AP5Z1: variants seen among roughly 807,000 people sequenced by gnomAD.
The protein encoded by AP5Z1 is adaptor related protein complex 5 subunit zeta 1.
In AP5Z1, 106 loss-of-function variants were observed where a neutral mutation model predicts 83.0. That is an observed-to-expected ratio of 1.28 (90% confidence interval 1.09 to 1.50). The LOEUF is 1.50. Among genes scored for constraint, AP5Z1 ranks in the 40% most tolerant of loss-of-function variants. The pLI is 0.00. For missense variants in AP5Z1, 1,565 were observed against 1,094.2 expected (o/e 1.43, Z -6.07); for synonymous variants, 751 against 514.1 (o/e 1.46, Z -6.23).
intron 12 of AP5Z1, 99 bp from the exon 13 acceptor site, chr7:4,788,741 G>C (rs748436452): frequency 9.5e-7 from 1 of 1,056,898 alleles, no homozygotes; most frequent in Non-Finnish European, 1.3e-6. Flanking sequence ...GGATGGGAGC[G>C]GGCTCAGCTG....
chr7:4,779,247 A>G (rs1363822301), intron 1 of AP5Z1, among the ~76,000 whole-genome samples: 1 of 146,984 alleles, frequency 6.8e-6, no homozygotes, highest in East Asian at 1.9e-4. Flanking sequence ...CATATATAAC[A>G]TTAGAAATAA....
At chr7:4,783,526 AT>A in intron 4 of AP5Z1, 66 bp downstream of exon 4, 1 of 1,195,898 alleles carries the variant, frequency 8.4e-7, no homozygotes, top group Non-Finnish European at 1.2e-6. Flanking sequence ...CTGAGGGCCC[AT>A]GGTGGGTTGG....
At chr7:4,777,070 C>A (rs369456807) in intron 1 of AP5Z1, among the ~76,000 whole-genome samples, 1 of 152,178 alleles carries the variant, frequency 6.6e-6, no homozygotes, top group African/African-American at 2.4e-5. Context: ...ATCAAAATAA[C>A]CCTTAAGAGT....
rs748224359 is a variant in AP5Z1, at chr7:4,781,548, A to C, written c.180-20A>C. On this transcript the variant is annotated intron_variant, in intron 2 of 16. Transcript: ENST00000649063. ...CGGTCGTGACGTGTTACCGCCCACC[A>C]CGGGCATCTCGCCTTCCAGGCTGGA... 15 of 1,600,486 alleles carry C rather than the reference A, an allele frequency of 9.4e-6. No individual in the cohort carries two copies. In the East Asian group the frequency reaches 2.7e-4, roughly 29 times the overall value.
intron 1 of AP5Z1, among the ~76,000 whole-genome samples, chr7:4,780,765 C>CG (rs1781360186): frequency 1.3e-5 from 2 of 151,696 alleles, no homozygotes; most frequent in Admixed American, 6.6e-5. Context: ...GACTCCATCT[C>CG]GGGGAAAAAA....
In AP5Z1 at chr7:4,790,619, C is replaced by T. The variant is rs578246400; in HGVS notation, c.1938+28C>T. On this transcript the variant is annotated intron_variant, in intron 15 of 16. Transcript: ENST00000649063. Reference sequence around the variant, plus strand: ...AAGGCGGGCGCTGGCCTCCCACAGCCGCTCCTGACCCAGGAGGCCTGGGTG... The same window carrying T: ...AAGGCGGGCGCTGGCCTCCCACAGCTGCTCCTGACCCAGGAGGCCTGGGTG... 1.9e-4 allele frequency: 307 copies of T among 1,612,274 alleles called. 1 individual carries two copies. The East Asian group carries it at 5.6e-3, about 29-fold the overall frequency.
At chr7:4,790,151 C>A in intron 14 of AP5Z1, 1 of 1,496,230 alleles carries the variant, frequency 6.7e-7, no homozygotes, top group East Asian at 2.5e-5. Flanking sequence ...CGAGCCTGTC[C>A]TCTTCAGGGT....
At chr7:4,787,566 TG>T in intron 10 of AP5Z1, 67 bp from the exon 11 acceptor site, 1 of 1,512,880 alleles carries the variant, frequency 6.6e-7, no homozygotes, top group Non-Finnish European at 8.9e-7. Context: ...GGGCCCTAGC[TG>T]GCTCCTCCCT....
chr7:4,779,148 ATATATAACAAC>A (rs1562402737), intron 1 of AP5Z1, among the ~76,000 whole-genome samples: 1 of 143,280 alleles, frequency 7.0e-6, no homozygotes, highest in South Asian at 2.2e-4. Flanking sequence ...TATATATAAC[ATATATAACAAC>A]TATATAACAT....
rs1781494021 is a variant in AP5Z1, at chr7:4,784,982, C to A, written c.865C>A (p.Pro289Thr). ...ATSSAGRLLP[P>T]RERLREVAFE... ...CTCCTCTGCCGGCCGCCTGCTGCCGCCCCGGGAGCGGCTTCGGGAGGTGGC... is the reference window on the plus strand; with the variant it reads ...CTCCTCTGCCGGCCGCCTGCTGCCGACCCGGGAGCGGCTTCGGGAGGTGGC... The change falls in exon 7 of 17, where the codon CCC becomes ACC. Residue 289 changes from proline to threonine, a missense_variant. Coordinates refer to ENST00000649063, the MANE Select transcript of AP5Z1 (RefSeq NM_014855.3). 2.5e-6 allele frequency: 4 copies of A among 1,611,928 alleles called. No individual in the cohort carries two copies. Among genetic ancestry groups the A allele is most frequent in the Non-Finnish European group, 3.4e-6 (4 of 1,179,372 alleles).
chr7:4,785,730 C>G (rs777972401), intron 9 of AP5Z1, 46 bp downstream of exon 9: 2 of 1,377,756 alleles, frequency 1.5e-6, no homozygotes, highest in East Asian at 5.4e-5. Flanking sequence ...CTGCTTCTGC[C>G]TTTAGTTTTA....
chr7:4,785,765 T>G (rs1781524885), intron 9 of AP5Z1, 81 bp downstream of exon 9: 5 of 1,253,390 alleles, frequency 4.0e-6, no homozygotes, highest in Non-Finnish European at 4.1e-6. Flanking sequence ...CTTCCCTTTT[T>G]TTTTTTTTTT....
chr7:4,779,723 C>A (rs1781329400), intron 1 of AP5Z1, among the ~76,000 whole-genome samples: 1 of 151,882 alleles, frequency 6.6e-6, no homozygotes, highest in South Asian at 2.1e-4. Flanking sequence ...TCACTGCAAC[C>A]TCCTCCTCCC....
rs559842146 is a variant in AP5Z1 at position 4,785,518 on chromosome 7, G to C, written c.970-4G>C. The C allele has an allele frequency of 6.2e-7, 1 of 1,613,112 alleles. No homozygotes were observed. The highest frequency in any genetic ancestry group is 1.1e-5 in the South Asian group (1 of 90,992). On this transcript the variant is annotated splice_polypyrimidine_tract_variant and splice_region_variant and intron_variant, in intron 8 of 16. Coordinates refer to ENST00000649063, the MANE Select transcript of AP5Z1 (RefSeq NM_014855.3). The stretch of plus-strand genomic sequence containing the variant: ...GCCCATTTGATGTGGTCCATGTCCC[G>C]CAGTGCCTGGTGGAGGCCGTGCTGG...
Position 4,790,496 on chromosome 7 carries a change from A to C in AP5Z1, c.1843A>C (p.Lys615Gln). Reference protein sequence around the residue: ...SSQFLALCTLKPSLVVELARD... With the variant: ...SSQFLALCTLQPSLVVELARD... ...TCAGTTCCTGGCCCTGTGTACGCTGAAACCCTCCCTGGTGGTGGAGCTGGC... is the reference window on the plus strand; with the variant it reads ...TCAGTTCCTGGCCCTGTGTACGCTGCAACCCTCCCTGGTGGTGGAGCTGGC... Residue 615 changes from lysine (K) to glutamine (Q), a missense_variant, in exon 15 of 17, where the codon AAA becomes CAA. Coordinates refer to ENST00000649063, the MANE Select transcript of AP5Z1 (RefSeq NM_014855.3). The C allele has an allele frequency of 1.9e-6, 3 of 1,613,172 alleles. No homozygotes were observed. The highest frequency in any genetic ancestry group is 2.5e-6 in the Non-Finnish European group (3 of 1,179,866).
In AP5Z1 at chr7:4,791,209, C is replaced by A. The variant is rs376075136; in HGVS notation, c.2248C>A (p.Arg750=). The A allele has an allele frequency of 4.2e-5, 67 of 1,612,554 alleles. No homozygotes were observed. Among genetic ancestry groups the A allele is most frequent in the African/African-American group, 2.4e-4 (18 of 74,918 alleles). The change falls in exon 17 of 17, where the codon CGG becomes AGG. Residue 750 remains arginine (R), a synonymous_variant. Transcript: ENST00000649063. Reference sequence around the variant, plus strand: ...GGAGGGCGCGGAAGCCATCCGTACCCGGGCCACAGAGCTGCTGACCCTGCT... The same window carrying A: ...GGAGGGCGCGGAAGCCATCCGTACCAGGGCCACAGAGCTGCTGACCCTGCT... ...SEEGAEAIRT[R]ATELLTLLKM... is the part of the protein sequence containing the mutation.
At position 4,784,441 on chromosome 7, in the gene AP5Z1, G is replaced by A. The variant is rs2115110033; in HGVS notation, c.790+70G>A. On this transcript the variant is annotated intron_variant, in intron 6 of 16. Coordinates refer to ENST00000649063, the MANE Select transcript of AP5Z1 (RefSeq NM_014855.3). Reference sequence around the variant, plus strand: ...GCGCACTATGGGTTGGTCGCAGGGGGACACGGGCGGAGGTGGGGGGACTCG... The same window carrying A: ...GCGCACTATGGGTTGGTCGCAGGGGAACACGGGCGGAGGTGGGGGGACTCG... 1.4e-5 allele frequency: 21 copies of A among 1,493,422 alleles called. 1 individual carries two copies. In the South Asian group the frequency reaches 2.2e-4, roughly 15 times the overall value. The allele number at this position is 1,493,422 out of a possible 1,614,324, so 92.5% of individuals were successfully genotyped here. A position where few individuals can be genotyped will look rare whatever the true frequency, so the allele number is the denominator to read the frequency against.
chr7:4,791,469 G>A lies in AP5Z1; in HGVS notation c.*84G>A. ...TGAGGCCAGGCTGATAGGAGCTCAG[G>A]AGGGCGCGGGAGTCCTGGGAGAGGA... On this transcript the variant is annotated 3_prime_UTR_variant, in exon 17 of 17. Transcript: ENST00000649063. The A allele has an allele frequency of 6.8e-7, 1 of 1,478,664 alleles. No homozygotes were observed. The highest frequency in any genetic ancestry group is 9.0e-7 in the Non-Finnish European group (1 of 1,107,896). The allele number at this position is 1,478,664 out of a possible 1,614,324, so 91.6% of individuals were successfully genotyped here.
At position 4,780,532 on chromosome 7, in the gene AP5Z1, A is replaced by C. The variant is rs546990986; in HGVS notation, c.42-643A>C. The stretch of plus-strand genomic sequence containing the variant: ...GTAATCCCAGCACTTTGGGAGGCCG[A>C]GGTGGGCAGATCACGATGTCAGGAG... On this transcript the variant is annotated intron_variant, in intron 1 of 16. Coordinates refer to ENST00000649063, the MANE Select transcript of AP5Z1 (RefSeq NM_014855.3). Among the ~76,000 whole-genome samples, 7 of 152,250 alleles carry C rather than the reference A, an allele frequency of 4.6e-5. No individual in the cohort carries two copies. The South Asian group carries it at 1.4e-3, about 32-fold the overall frequency.
Sources: gnomAD v4.1 joint callset for allele counts (sites outside exome capture counted in the v4.1 genomes callset) on GRCh38, gnomAD v4.1.1 for gene constraint, MANE v1.5 for transcripts, NCBI Gene and HGNC (gene_info 2026-07-23, HGNC 2026-07-21) for gene names.